IFI16: variants seen among roughly 807,000 people sequenced by gnomAD.
The protein encoded by IFI16 is gamma-interferon-inducible protein 16.
In IFI16, 49 loss-of-function variants were observed where a neutral mutation model predicts 68.4. The observed-to-expected ratio is 0.72, with a 90% confidence interval of 0.57 to 0.91. The LOEUF is 0.91. Among genes scored for constraint, IFI16 ranks in the 40% least tolerant of loss-of-function variants. The pLI, the probability that IFI16 is intolerant of heterozygous loss-of-function variation, is 0.00. For missense variants in IFI16, 878 were observed against 942.9 expected, an observed-to-expected ratio of 0.93 and a Z score of 0.90; for synonymous variants, 307 against 315.0, an observed-to-expected ratio of 0.97 and a Z score of 0.27.
At position 159,050,242 on chromosome 1, in the gene IFI16, TC is replaced by T. The variant is rs1168254129; in HGVS notation, c.1665+645del. 3.3e-5 allele frequency among the ~76,000 whole-genome samples: 5 copies of T among 152,334 alleles called. No individual in the cohort carries two copies. The East Asian group carries it at 7.7e-4, about 23-fold the overall frequency. ...TGTACTAGAAAAATTGCACAGTTAT[TC>T]CATACATTATAAAAATGATCATTTT... On this transcript the variant is annotated intron_variant, in intron 9 of 11. Transcript: ENST00000295809.
upstream of IFI16, among the ~76,000 whole-genome samples, chr1:159,003,692 G>A (rs1409990355): frequency 4.0e-5 from 6 of 151,880 alleles, no homozygotes; most frequent in Non-Finnish European, 7.4e-5. Context: ...ACGGGGTCTC[G>A]CTTTGTCGCC....
intron 8 of IFI16, among the ~76,000 whole-genome samples, chr1:159,045,815 A>G (rs1217900475): frequency 6.6e-6 from 1 of 151,250 alleles, no homozygotes; most frequent in East Asian, 1.9e-4. Context: ...TTTCTCTTTC[A>G]TTTATTATAA....
intron 4 of IFI16, 144 bp downstream of exon 4, chr1:159,016,844 G>C (rs1276551935): frequency 1.4e-6 from 1 of 739,738 alleles, no homozygotes; most frequent in Non-Finnish European, 2.3e-6. Context: ...TTGATCTTTT[G>C]CTTTCACAGG....
upstream of IFI16, among the ~76,000 whole-genome samples, chr1:159,005,470 C>T (rs539186504): frequency 1.3e-5 from 2 of 152,336 alleles, no homozygotes; most frequent in East Asian, 1.9e-4. Context: ...CTCTCCTCTC[C>T]TGCCTCAACA....
chr1:159,051,791 C>T lies in IFI16; in HGVS notation c.1778C>T (p.Pro593Leu). The change falls in exon 10 of 12, where the codon CCC becomes CTC. Residue 593 changes from proline (P) to leucine (L), a missense_variant. This residue lies in a region of IFI16 where 311 missense variants were observed against 305.1 expected (regional missense o/e 1.02). Transcript: ENST00000295809. ...LNATESFVYE[P>L]KEQKKMFHAT... is the part of the protein sequence containing the mutation. Reference sequence around the variant, plus strand: ...GCAACAGAATCATTTGTATATGAGCCCAAAGAGCAGAAGAAAATGTTTCAT... The same window carrying T: ...GCAACAGAATCATTTGTATATGAGCTCAAAGAGCAGAAGAAAATGTTTCAT... 1 of 1,613,992 alleles carries T rather than the reference C, an allele frequency of 6.2e-7. No individual in the cohort carries two copies. Among genetic ancestry groups the T allele is most frequent in the Non-Finnish European group, 8.5e-7 (1 of 1,179,934 alleles).
chr1:159,041,120 G>A (rs536866685), intron 7 of IFI16, among the ~76,000 whole-genome samples: 1 of 152,158 alleles, frequency 6.6e-6, no homozygotes, highest in Non-Finnish European at 1.5e-5. Context: ...TCAGCTAACG[G>A]TGCGATAGAA....
In IFI16 at chr1:159,049,537, G is replaced by A. The variant is rs1375706406; in HGVS notation, c.1603G>A (p.Glu535Lys). Residue 535 changes from glutamate to lysine, a missense_variant, in exon 9 of 12, where the codon GAG (glutamate) becomes AAG (lysine). This residue lies in a region of IFI16 where 311 missense variants were observed against 305.1 expected (regional missense o/e 1.02). Coordinates refer to ENST00000295809, the MANE Select transcript of IFI16 (RefSeq NM_001376587.1). ...GTTCATGACCAGCATAGGCCCAGCT[G>A]AGAGCCATCCCCACACTCCTCAGAT... ...GPFMTSIGPA[E>K]SHPHTPQMPP... 1.2e-6 allele frequency: 2 copies of A among 1,604,734 alleles called. No homozygotes were observed. Among genetic ancestry groups the A allele is most frequent in the African/African-American group, 1.4e-5 (1 of 73,982 alleles).
chr1:159,004,952 CTA>C (rs1433941254), upstream of IFI16, among the ~76,000 whole-genome samples: 2 of 152,168 alleles, frequency 1.3e-5, no homozygotes, highest in African/African-American at 2.4e-5. Context: ...GAAGTAGAAA[CTA>C]TCAATGTTTT....
At chr1:159,012,431 T>C (rs1307951079) in intron 1 of IFI16, among the ~76,000 whole-genome samples, 1 of 152,132 alleles carries the variant, frequency 6.6e-6, no homozygotes, top group African/African-American at 2.4e-5. Context: ...TACTCCAAAA[T>C]CAAAAGCACT....
chr1:159,039,802 G>A (rs763280362), intron 7 of IFI16, among the ~76,000 whole-genome samples: 1 of 152,170 alleles, frequency 6.6e-6, no homozygotes, highest in Non-Finnish European at 1.5e-5. Flanking sequence ...AAAACCTCCA[G>A]GAGTGAGCCA....
chr1:159,005,488 T>G (rs917503809), upstream of IFI16, among the ~76,000 whole-genome samples: 3 of 152,348 alleles, frequency 2.0e-5, no homozygotes, highest in Admixed American at 2.0e-4. Context: ...ACACTGAGTC[T>G]CTTTTATTCC....
Position 159,018,598 on chromosome 1 carries a change from C to G in IFI16, c.919C>G (p.Leu307Val). The change falls in exon 5 of 12, where the codon CTT (leucine) becomes GTT (valine). Residue 307 changes from leucine to valine, a missense_variant. This residue lies in a region of IFI16 where 443 missense variants were observed against 421.8 expected (regional missense o/e 1.05). Transcript: ENST00000295809. Reference sequence around the variant, plus strand: ...AAAGGAAACTCTGAAGATTGATATTCTTCACAAACAAGCTTCAGGAAATAT... The same window carrying G: ...AAAGGAAACTCTGAAGATTGATATTGTTCACAAACAAGCTTCAGGAAATAT... ...RAKETLKIDI[L>V]HKQASGNIVY... The G allele has an allele frequency of 6.2e-7, 1 of 1,613,432 alleles. No homozygotes were observed. Among genetic ancestry groups the G allele is most frequent in the Non-Finnish European group, 8.5e-7 (1 of 1,179,568 alleles).
In IFI16 at chr1:159,049,619, A is replaced by G. The variant is rs755131963; in HGVS notation, c.1665+20A>G. The G allele has an allele frequency of 3.1e-6, 5 of 1,612,572 alleles. No individual in the cohort carries two copies. The highest frequency in any genetic ancestry group is 1.7e-5 in the Admixed American group (1 of 59,758). On this transcript the variant is annotated intron_variant, in intron 9 of 11. Coordinates refer to ENST00000295809, the MANE Select transcript of IFI16 (RefSeq NM_001376587.1). ...ACCACGGTACAAGTTCCCTCTTCCCAATACATTCCCCTCGCTACTATATAA... is the reference window on the plus strand; with the variant it reads ...ACCACGGTACAAGTTCCCTCTTCCCGATACATTCCCCTCGCTACTATATAA...
Position 159,017,762 on chromosome 1 carries a change from TAC to T in IFI16, c.550-464_550-463del, listed in dbSNP as rs1653026949. ...AGCTGGGATTACAAGCGCCTGCCAC[TAC>T]ACTCAGCTGATTTTTGTACTTTTAG... On this transcript the variant is annotated intron_variant, in intron 4 of 11. Transcript: ENST00000295809. Among the ~76,000 whole-genome samples, 3 of 152,152 alleles carry T rather than the reference TAC, an allele frequency of 2.0e-5. No homozygotes were observed. In the South Asian group the frequency reaches 6.2e-4, roughly 32 times the overall value.
At chr1:159,034,498 C>A (rs1323854892) in intron 7 of IFI16, among the ~76,000 whole-genome samples, 21 of 152,148 alleles carry the variant, frequency 1.4e-4, no homozygotes, top group Non-Finnish European at 3.1e-4. Flanking sequence ...TACCTTTCAT[C>A]CTTTCACTTC....
chr1:159,045,505 T>C (rs1264210542), intron 8 of IFI16, 41 bp downstream of exon 8: 1 of 1,603,914 alleles, frequency 6.2e-7, no homozygotes, highest in Admixed American at 1.7e-5. Context: ...CTCACTACAA[T>C]GTAATGACAA....
chr1:159,032,402 G>A (rs759051561), intron 6 of IFI16, 122 bp from the exon 7 acceptor site: 1 of 572,044 alleles, frequency 1.7e-6, no homozygotes, highest in Non-Finnish European at 2.9e-6. Flanking sequence ...ATTAGAGAGA[G>A]ACCATGTTTG....
upstream of IFI16, among the ~76,000 whole-genome samples, chr1:159,003,461 C>T (rs1652132187): frequency 6.6e-6 from 1 of 152,128 alleles, no homozygotes; most frequent in Non-Finnish European, 1.5e-5. Flanking sequence ...CCTAAAGGAG[C>T]TCGATCTCTG....
At chr1:159,039,835 A>G (rs1362023070) in intron 7 of IFI16, among the ~76,000 whole-genome samples, 1 of 152,210 alleles carries the variant, frequency 6.6e-6, no homozygotes. Flanking sequence ...ACAGAAAATT[A>G]CATAAACCCC....
Sources: gnomAD v4.1 joint callset for allele counts (sites outside exome capture counted in the v4.1 genomes callset) on GRCh38, gnomAD v4.1.1 for gene constraint, gnomAD v4.1.1 regional missense constraint, MANE v1.5 for transcripts, NCBI Gene and HGNC (gene_info 2026-07-23, HGNC 2026-07-21) for gene names.